APOL5: variants seen among roughly 807,000 people sequenced by gnomAD.
APOL5 encodes the protein apolipoprotein L5.
APOL5 carries 29 observed loss-of-function variants against 35.5 expected under a neutral mutation model. The observed-to-expected ratio is 0.82, with a 90% CI of 0.61 to 1.11. APOL5 has a LOEUF of 1.11. APOL5 is among the 50% of genes most tolerant of loss of function. The pLI, the probability that APOL5 is intolerant of heterozygous loss-of-function variation, is 0.00. For missense variants in APOL5, 514 were observed against 530.4 expected, an observed-to-expected ratio of 0.97 and a Z score of 0.30; for synonymous variants, 188 against 200.2, an observed-to-expected ratio of 0.94 and a Z score of 0.51.
chr22:35,722,635 T>C (rs1336843764), intron 2 of APOL5, among the ~76,000 whole-genome samples: 2 of 152,144 alleles, frequency 1.3e-5, no homozygotes, highest in African/African-American at 2.4e-5. Context: ...ACTAACTCAA[T>C]TGTAATCAGG....
intron 2 of APOL5, among the ~76,000 whole-genome samples, chr22:35,725,095 T>A (rs1341883829): frequency 6.6e-6 from 1 of 152,118 alleles, no homozygotes; most frequent in East Asian, 1.9e-4. Context: ...CACATTGTAA[T>A]AGCCCAGTGG....
At chr22:35,727,295 C>G in intron 3 of APOL5, 101 bp downstream of exon 3, 4 of 1,477,452 alleles carry the variant, frequency 2.7e-6, no homozygotes, top group Non-Finnish European at 3.6e-6. Context: ...CAGTGCATAA[C>G]TACAGCTGCC....
At position 35,726,518 on chromosome 22, in the gene APOL5, C is replaced by T. The variant is rs763877157; in HGVS notation, c.450C>T (p.Val150=). Residue 150 remains valine (V), a synonymous_variant, in exon 3 of 5, where the codon GTC becomes GTT. Transcript: ENST00000249044. ...VASSSGAVSG[V]MNILGLALAP... is the part of the protein sequence containing the mutation. ...GCTCTTCCGGGGCTGTTTCTGGGGT[C>T]ATGAACATCCTGGGTTTGGCCCTAG... is the stretch of plus-strand genomic sequence containing the variant. 3.1e-6 allele frequency: 5 copies of T among 1,614,194 alleles called. No individual in the cohort carries two copies. The highest frequency in any genetic ancestry group is 4.2e-6 in the Non-Finnish European group (5 of 1,180,042).
intron 2 of APOL5, among the ~76,000 whole-genome samples, chr22:35,724,548 A>G (rs577951647): frequency 6.6e-6 from 1 of 152,286 alleles, no homozygotes; most frequent in African/African-American, 2.4e-5. Context: ...CAAAGTCAGT[A>G]AAGCTTTTAA....
chr22:35,710,097 GTCTT>G, the APOL5 span, among the ~76,000 whole-genome samples: 11 of 138,278 alleles, frequency 8.0e-5, no homozygotes, highest in South Asian at 1.2e-3. Flanking sequence ...CTGCCTTTAG[GTCTT>G]TCTTTCTTTC....
chr22:35,723,726 C>T (rs936107256), intron 2 of APOL5, among the ~76,000 whole-genome samples: 9 of 152,134 alleles, frequency 5.9e-5, no homozygotes, highest in Non-Finnish European at 1.0e-4. Flanking sequence ...TTTGGGAGGC[C>T]GAGGGGAGGT....
At chr22:35,728,678 T>A (rs1281818169) in intron 3 of APOL5, 45 bp from the exon 4 acceptor site, 4 of 1,589,548 alleles carry the variant, frequency 2.5e-6, no homozygotes, top group Non-Finnish European at 3.4e-6. Context: ...CAGGGGCAGA[T>A]CTCTTTCTTG....
chr22:35,728,933 TGTGGGAACCCC>T (rs769800211), intron 4 of APOL5, 29 bp downstream of exon 4: 5 of 1,551,932 alleles, frequency 3.2e-6, no homozygotes, highest in Non-Finnish European at 3.5e-6. Context: ...AGCCAGGAGC[TGTGGGAACCCC>T]TGACAGTGAA....
chr22:35,726,036 G>A (rs750444431), intron 2 of APOL5, among the ~76,000 whole-genome samples, 175 bp from the exon 3 acceptor site: 31 of 152,186 alleles, frequency 2.0e-4, no homozygotes, highest in Admixed American at 1.3e-4. Context: ...AAGAATGAAC[G>A]AGAACAGCTT....
At chr22:35,720,505 G>C (rs1353253077) in intron 1 of APOL5, 63 bp from the exon 2 acceptor site, 1 of 1,476,252 alleles carries the variant, frequency 6.8e-7, no homozygotes, top group Non-Finnish European at 9.5e-7. Context: ...CCGGAGCACT[G>C]TTATGTCTTT....
intron 1 of APOL5, among the ~76,000 whole-genome samples, chr22:35,719,107 T>C (rs543408172): frequency 2.6e-5 from 4 of 151,944 alleles, no homozygotes; most frequent in Non-Finnish European, 5.9e-5. Flanking sequence ...GGACACACCA[T>C]TATAAGTATA....
At position 35,726,737 on chromosome 22, in the gene APOL5, C is replaced by A. The variant is rs139837939; in HGVS notation, c.669C>A (p.Ile223=). The A allele has an allele frequency of 6.2e-7, 1 of 1,614,070 alleles. No individual in the cohort carries two copies. The highest frequency in any genetic ancestry group is 1.3e-5 in the African/African-American group (1 of 74,928). The change falls in exon 3 of 5, where the codon ATC becomes ATA. Residue 223 remains isoleucine (I), a synonymous_variant. Transcript: ENST00000249044. ...TCGGAGGAATAAATTGGTCTGAAAT[C>A]GAGGCTGCTGGCTTTTGTGTTAATA... is the stretch of plus-strand genomic sequence containing the variant. ...EAFGGINWSE[I]EAAGFCVNKC...
chr22:35,721,268 C>A (rs1220634330), intron 2 of APOL5, among the ~76,000 whole-genome samples: 1 of 152,114 alleles, frequency 6.6e-6, no homozygotes, highest in South Asian at 2.1e-4. Flanking sequence ...TAAGGGCAGG[C>A]ACGGTGGCTC....
chr22:35,723,113 C>T (rs930051770), intron 2 of APOL5, among the ~76,000 whole-genome samples: 1 of 152,148 alleles, frequency 6.6e-6, no homozygotes, highest in African/African-American at 2.4e-5. Context: ...CTGCTGATGG[C>T]CTTGGCTAAG....
intron 3 of APOL5, among the ~76,000 whole-genome samples, chr22:35,727,706 C>G (rs1182160176): frequency 6.6e-6 from 1 of 152,250 alleles, no homozygotes; most frequent in Non-Finnish European, 1.5e-5. Context: ...CAGCACCTAG[C>G]AGTGCTTGGC....
At chr22:35,708,593 C>G in the APOL5 span, among the ~76,000 whole-genome samples, 53 of 152,300 alleles carry the variant, frequency 3.5e-4, no homozygotes, top group South Asian at 4.1e-4. Context: ...CTGTGCTCTT[C>G]ACAAACATCG....
rs1280071267 is a variant in APOL5 at position 35,726,212 on chromosome 22, C to T, written c.144C>T (p.Pro48=). The change falls in exon 3 of 5, where the codon CCC becomes CCT. Residue 48 remains proline, a splice_region_variant and synonymous_variant. Coordinates refer to ENST00000249044, the MANE Select transcript of APOL5 (RefSeq NM_030642.1). ...VWGKSPEPEF[P]SLVNLCQSWK... ...CTCAGATTGCCTAGATGTCTTTAGC[C>T]TCACTCGTGAACCTGTGCCAGAGTT... 6.2e-7 allele frequency: 1 copy of T among 1,606,518 alleles called. No homozygotes were observed. The highest frequency in any genetic ancestry group is 1.3e-5 in the African/African-American group (1 of 74,754).
chr22:35,713,683 G>A (rs549252757), upstream of APOL5, among the ~76,000 whole-genome samples: 1 of 152,306 alleles, frequency 6.6e-6, no homozygotes, highest in South Asian at 2.1e-4. Flanking sequence ...AGAGAGAGAA[G>A]TGCCAAGGGA....
At chr22:35,722,335 C>T (rs1178347546) in intron 2 of APOL5, among the ~76,000 whole-genome samples, 4 of 152,186 alleles carry the variant, frequency 2.6e-5, no homozygotes, top group African/African-American at 7.2e-5. Context: ...TGGAGTCTCC[C>T]TCTGTCGCCC....
Sources: allele counts gnomAD v4.1 joint callset (sites outside exome capture counted in the v4.1 genomes callset), GRCh38; gene constraint gnomAD v4.1.1; transcripts MANE v1.5; gene names NCBI Gene and HGNC (gene_info 2026-07-23, HGNC 2026-07-21).